The following IQSEC1 variants were observed in gnomAD, a reference collection of about 807,000 sequenced individuals.
IQSEC1 encodes IQ motif and SEC7 domain-containing protein 1.
IQSEC1 carries 31 observed loss-of-function variants against 91.0 expected under a neutral mutation model. That is an observed-to-expected ratio of 0.34 (90% confidence interval 0.26 to 0.46). The LOEUF (loss-of-function observed/expected upper bound fraction) is 0.46, where lower values mean the gene tolerates loss of function less well. IQSEC1 is among the 20% of genes least tolerant of loss of function. IQSEC1 has a pLI of 1.00. For synonymous variants in IQSEC1, 699 were observed against 662.6 expected, an observed-to-expected ratio of 1.05 and a Z score of -0.84; for missense variants, 1,388 against 1,575.6, an observed-to-expected ratio of 0.88 and a Z score of 2.02.
intron 2 of IQSEC1, among the ~76,000 whole-genome samples, chr3:13,087,160 T>C (rs1440943568): frequency 1.3e-5 from 2 of 152,226 alleles, no homozygotes; most frequent in Non-Finnish European, 2.9e-5. Context: ...AGTCTAAATC[T>C]ACACTGGGTA....
Position 13,026,864 on chromosome 3 carries a change from G to GCTTT in IQSEC1, c.23+46127_23+46128insAAAG, listed in dbSNP as rs370534423. Among the ~76,000 whole-genome samples, 32 of 90,844 alleles carry GCTTT rather than the reference G, an allele frequency of 3.5e-4. 4 individuals are homozygous for GCTTT. Among genetic ancestry groups the GCTTT allele is most frequent in the East Asian group, 4.6e-4 (1 of 2,184 alleles). The allele number at this position is 90,844 out of a possible 152,430, so 59.6% of individuals were successfully genotyped here. A position where few individuals can be genotyped will look rare whatever the true frequency, so the allele number is the denominator to read the frequency against. Reference sequence around the variant, plus strand: ...TGAAGTAGCAGTTATTATCTCCCCAGTTTTTTTTTTTTTTGTTTGTTTTTT... The same window carrying GCTTT: ...TGAAGTAGCAGTTATTATCTCCCCAGCTTTTTTTTTTTTTTTTTGTTTGTTTTTT... On this transcript the variant is annotated intron_variant, in intron 1 of 13. Coordinates refer to ENST00000613206, the MANE Select transcript of IQSEC1 (RefSeq NM_001134382.3).
intron 1 of IQSEC1, among the ~76,000 whole-genome samples, chr3:13,235,313 G>A (rs1216854011): frequency 1.3e-5 from 2 of 152,144 alleles, no homozygotes; most frequent in African/African-American, 2.4e-5. Flanking sequence ...TCTGAGAGGT[G>A]TGGCCACACC....
At chr3:13,096,043 T>A (rs901048233) in intron 2 of IQSEC1, among the ~76,000 whole-genome samples, 1 of 152,178 alleles carries the variant, frequency 6.6e-6, no homozygotes, top group African/African-American at 2.4e-5. Context: ...TCCTCCTGCC[T>A]CAGTATCCGC....
intron 1 of IQSEC1, among the ~76,000 whole-genome samples, chr3:13,213,208 T>C (rs1694478256): frequency 6.6e-6 from 1 of 152,250 alleles, no homozygotes; most frequent in Non-Finnish European, 1.5e-5. Context: ...TTTGAGTTAA[T>C]TTTTTGTTTA....
At chr3:13,052,748 G>A (rs781446143) in intron 1 of IQSEC1, among the ~76,000 whole-genome samples, 5 of 151,930 alleles carry the variant, frequency 3.3e-5, no homozygotes, top group Non-Finnish European at 5.9e-5. Flanking sequence ...ACAGACGTAC[G>A]TGGTGCCATG....
At chr3:13,001,660 G>C (rs977886033) in intron 1 of IQSEC1, among the ~76,000 whole-genome samples, 3 of 152,232 alleles carry the variant, frequency 2.0e-5, no homozygotes, top group African/African-American at 7.2e-5. Context: ...GTTTAAAAAT[G>C]TATTGTCTTG....
Position 12,924,068 on chromosome 3 carries a change from G to A in IQSEC1, c.1730+513C>T, listed in dbSNP as rs537105599. Among the ~76,000 whole-genome samples the A allele has an allele frequency of 4.6e-5, 7 of 152,294 alleles. No homozygotes were observed. Among genetic ancestry groups the A allele is most frequent in the African/African-American group, 7.2e-5 (3 of 41,560 alleles). On this transcript the variant is annotated intron_variant, in intron 4 of 13. Coordinates refer to ENST00000613206, the MANE Select transcript of IQSEC1 (RefSeq NM_001134382.3). This position sits in a 1 kb window ranked among gnomAD's most constrained non-coding sequence, Gnocchi z 6.3. ...GCAGGGGCAGAGCGTGGCACGGGCC[G>A]CCCACGGGGAGGCAGGTCACTTGAT... is the stretch of plus-strand genomic sequence containing the variant.
At chr3:13,210,286 A>G (rs1231894799) in intron 1 of IQSEC1, among the ~76,000 whole-genome samples, 3 of 151,952 alleles carry the variant, frequency 2.0e-5, no homozygotes, top group Non-Finnish European at 4.4e-5. Flanking sequence ...TGCCCGGGAC[A>G]GGGTAGGTCG....
intron 1 of IQSEC1, among the ~76,000 whole-genome samples, chr3:12,961,742 G>A (rs966094656): frequency 3.9e-5 from 6 of 152,212 alleles, no homozygotes; most frequent in African/African-American, 7.2e-5. Flanking sequence ...GCTAAAGGAT[G>A]CCATGTTTCT....
chr3:13,249,140 G>T lies in IQSEC1; in HGVS notation c.272+33571C>A, dbSNP rs182659073. Among the ~76,000 whole-genome samples, 15 of 150,978 alleles carry T rather than the reference G, an allele frequency of 9.9e-5. No homozygotes were observed. In the East Asian group the frequency reaches 2.9e-3, roughly 29 times the overall value. On this transcript the variant is annotated intron_variant, in intron 1 of 15. Transcript: ENST00000648114. ...TTTGATGCGCAATTATAGAAAAGAA[G>T]GAAACTTCCTTTGGGGGAAGGAATT...
chr3:13,021,410 T>C (rs1377452692), intron 1 of IQSEC1, among the ~76,000 whole-genome samples: 1 of 152,220 alleles, frequency 6.6e-6, no homozygotes, highest in African/African-American at 2.4e-5. Flanking sequence ...GCAAGGGTCA[T>C]CGTATCCAAC....
At chr3:13,230,020 T>C (rs1484348264) in intron 1 of IQSEC1, among the ~76,000 whole-genome samples, 1 of 152,226 alleles carries the variant, frequency 6.6e-6, no homozygotes, top group Non-Finnish European at 1.5e-5. Flanking sequence ...AAGATGTTCA[T>C]GGAAAAATGG....
chr3:13,272,646 G>A (rs1010856002), intron 1 of IQSEC1, among the ~76,000 whole-genome samples: 1 of 152,176 alleles, frequency 6.6e-6, no homozygotes, highest in African/African-American at 2.4e-5. Context: ...TACACATCTC[G>A]ATGTCCGGCA....
At chr3:13,247,028 C>A (rs1164351157) in intron 1 of IQSEC1, among the ~76,000 whole-genome samples, 2 of 152,164 alleles carry the variant, frequency 1.3e-5, no homozygotes, top group African/African-American at 4.8e-5. Context: ...AAAATGACGC[C>A]TTTCAGCTTG....
chr3:13,271,392 G>A (rs531477492), intron 1 of IQSEC1, among the ~76,000 whole-genome samples: 1 of 151,920 alleles, frequency 6.6e-6, no homozygotes, highest in Non-Finnish European at 1.5e-5. Flanking sequence ...AAATAAAAAA[G>A]AAAAAGAAGA....
chr3:13,116,709 T>G (rs1417153900), intron 2 of IQSEC1, among the ~76,000 whole-genome samples: 1 of 152,136 alleles, frequency 6.6e-6, no homozygotes, highest in Non-Finnish European at 1.5e-5. Context: ...AAGACCAGCC[T>G]GGCCAACATG....
chr3:13,063,433 A>C (rs904169739), intron 1 of IQSEC1, among the ~76,000 whole-genome samples: 1 of 152,216 alleles, frequency 6.6e-6, no homozygotes, highest in African/African-American at 2.4e-5. Flanking sequence ...CTGTGGTGGC[A>C]GGAGGCACAG....
intron 1 of IQSEC1, among the ~76,000 whole-genome samples, chr3:13,059,971 G>A (rs1024251256): frequency 1.3e-5 from 2 of 152,214 alleles, no homozygotes; most frequent in Admixed American, 6.5e-5. Context: ...GATTGGTGAC[G>A]TGCTCAGCAC....
At chr3:13,159,895 C>G (rs978196737) in intron 2 of IQSEC1, among the ~76,000 whole-genome samples, 2 of 152,150 alleles carry the variant, frequency 1.3e-5, no homozygotes, top group African/African-American at 4.8e-5. Flanking sequence ...TTTGCAGACT[C>G]CAAACTCCAC....
Sources: allele counts gnomAD v4.1 joint callset (sites outside exome capture counted in the v4.1 genomes callset), GRCh38; gene constraint gnomAD v4.1.1; non-coding constraint Gnocchi (gnomAD v3.1); transcripts MANE v1.5; gene names NCBI Gene and HGNC (gene_info 2026-07-23, HGNC 2026-07-21).